Variants in TMEM247 observed in about 807,000 individuals in gnomAD.
TMEM247 encodes the protein transmembrane protein 247.
Under a neutral mutation model 20.7 loss-of-function variants are expected in TMEM247, and 23 were observed. The ratio of observed to expected loss-of-function variants is 1.11; its 90% CI spans 0.80 to 1.57. TMEM247 has a LOEUF of 1.57. TMEM247 is among the 40% of genes most tolerant of loss of function. The probability of loss-of-function intolerance (pLI) is 0.00; values close to 1 mark genes in which losing one functional copy is unlikely to be tolerated. For synonymous variants in TMEM247, 106 were observed against 111.9 expected, an observed-to-expected ratio of 0.95 and a Z score of 0.33; for missense variants, 354 against 283.8, an observed-to-expected ratio of 1.25 and a Z score of -1.78.
At position 46,481,703 on chromosome 2, in the gene TMEM247, C is replaced by T. The variant is rs1308605070; in HGVS notation, c.477+939C>T. On this transcript the variant is annotated intron_variant, in intron 2 of 2. Coordinates refer to ENST00000434431, the Ensembl canonical transcript of TMEM247. ...CTACTACCATTTTTATGTACTCATG[C>T]AATTCACTTCTTGACCCAAATGCAA... Among the ~76,000 whole-genome samples, 5 of 152,224 alleles carry T rather than the reference C, an allele frequency of 3.3e-5. No homozygotes were observed. In the South Asian group the frequency reaches 8.3e-4, roughly 25 times the overall value.
At chr2:46,484,366 G>C in exon 3 of TMEM247, 1 of 1,552,364 alleles carries the variant, frequency 6.4e-7, no homozygotes, top group Non-Finnish European at 8.7e-7. Context: ...TCTTCGCCAA[G>C]CACTACCTAT....
At chr2:46,484,026 A>G (rs563083842) in intron 2 of TMEM247, among the ~76,000 whole-genome samples, 1 of 152,270 alleles carries the variant, frequency 6.6e-6, no homozygotes, top group South Asian at 2.1e-4. Flanking sequence ...CCTGGCTTCA[A>G]GCAATCCTCC....
chr2:46,479,750 G>A, intron 1 of TMEM247, 48 bp downstream of exon 1: 1 of 1,335,142 alleles, frequency 7.5e-7, no homozygotes, highest in Non-Finnish European at 1.1e-6. Flanking sequence ...CCGTCAGGGG[G>A]AGCAAGAATA....
chr2:46,480,449 A>G, exon 2 of TMEM247: 1 of 1,551,482 alleles, frequency 6.4e-7, no homozygotes, highest in Non-Finnish European at 8.7e-7. Context: ...ACTACTTGGA[A>G]GAGATGGAAG....
intron 2 of TMEM247, among the ~76,000 whole-genome samples, chr2:46,483,412 G>A (rs556658864): frequency 6.6e-6 from 1 of 152,294 alleles, no homozygotes; most frequent in Admixed American, 6.5e-5. Flanking sequence ...ACCAAACCCT[G>A]GACTGAAGGA....
exon 3 of TMEM247, chr2:46,484,248 C>T (rs1002127666): frequency 6.5e-7 from 1 of 1,548,924 alleles, no homozygotes; most frequent in Admixed American, 2.0e-5. Flanking sequence ...CCACAGTTTT[C>T]AGGAGGCCTC....
chr2:46,482,351 T>A (rs1686904631), intron 2 of TMEM247, among the ~76,000 whole-genome samples: 1 of 152,242 alleles, frequency 6.6e-6, no homozygotes, highest in Non-Finnish European at 1.5e-5. Context: ...AACTTGTGAC[T>A]TTTCTCAGTA....
intron 2 of TMEM247, among the ~76,000 whole-genome samples, chr2:46,481,667 A>G (rs1686892454): frequency 6.6e-6 from 1 of 152,236 alleles, no homozygotes; most frequent in African/African-American, 2.4e-5. Context: ...TAAGCACTCA[A>G]TAAACGTTAG....
chr2:46,480,212 G>A (rs1447064308), intron 1 of TMEM247, among the ~76,000 whole-genome samples, 193 bp from the exon 2 acceptor site: 1 of 152,156 alleles, frequency 6.6e-6, no homozygotes, highest in Non-Finnish European at 1.5e-5. Context: ...CTTTGTGCTA[G>A]TTTGCCCTCT....
At chr2:46,481,956 C>A (rs1431546297) in intron 2 of TMEM247, among the ~76,000 whole-genome samples, 1 of 152,204 alleles carries the variant, frequency 6.6e-6, no homozygotes, top group African/African-American at 2.4e-5. Context: ...ATCCTGCTCA[C>A]ATTTCTCCAC....
chr2:46,484,313 T>C lies in TMEM247; in HGVS notation c.547T>C (p.Phe183Leu), dbSNP rs748390035. Residue 183 changes from phenylalanine to leucine, a missense_variant, in exon 3 of 3, where the codon TTC becomes CTC. Transcript: ENST00000434431. Reference sequence around the variant, plus strand: ...TGCCATGTTCCTGTACTGCTTCATCTTCATTCACATCATCTATGTCACCAA... The same window carrying C: ...TGCCATGTTCCTGTACTGCTTCATCCTCATTCACATCATCTATGTCACCAA... 118 of 1,552,230 alleles carry C rather than the reference T, an allele frequency of 7.6e-5. 1 individual carries two copies. The South Asian group carries it at 1.4e-3, about 18-fold the overall frequency.
At chr2:46,480,546 C>G (rs1379341054) in exon 2 of TMEM247, 1 of 1,551,766 alleles carries the variant, frequency 6.4e-7, no homozygotes, top group South Asian at 1.2e-5. Context: ...TGGCGACGGA[C>G]CCAAACCCGC....
intron 2 of TMEM247, among the ~76,000 whole-genome samples, chr2:46,483,212 CCTTA>C (rs1686921502): frequency 6.6e-6 from 1 of 152,138 alleles, no homozygotes; most frequent in Non-Finnish European, 1.5e-5. Flanking sequence ...TCAGCTTTTG[CCTTA>C]CTTATACATT....
At chr2:46,482,051 G>T (rs1686899806) in intron 2 of TMEM247, among the ~76,000 whole-genome samples, 1 of 152,130 alleles carries the variant, frequency 6.6e-6, no homozygotes. Flanking sequence ...CCAATTGACT[G>T]GTCCAGTTTT....
chr2:46,484,209 G>A lies in TMEM247; in HGVS notation c.478-35G>A, dbSNP rs1397475043. On this transcript the variant is annotated intron_variant, in intron 2 of 2. Transcript: ENST00000434431. ...CTAGATCTGCCTGGCGCCAACAATG[G>A]CATCATCATCTCCACTGTCTTCTCT... The A allele has an allele frequency of 4.6e-6, 7 of 1,526,164 alleles. No homozygotes were observed. In the African/African-American group the frequency reaches 8.3e-5, roughly 18 times the overall value. The allele number at this position is 1,526,164 out of a possible 1,614,324, so 94.5% of individuals were successfully genotyped here. A position where few individuals can be genotyped will look rare whatever the true frequency, so the allele number is the denominator to read the frequency against.
In TMEM247 at chr2:46,479,711, GC is replaced by G. The variant is rs749311173; in HGVS notation, c.117+10del. The G allele has an allele frequency of 5.7e-5, 88 of 1,538,462 alleles. No individual in the cohort carries two copies. Among genetic ancestry groups the G allele is most frequent in the Non-Finnish European group, 7.4e-5 (84 of 1,135,080 alleles). On this transcript the variant is annotated intron_variant, in intron 1 of 2. Coordinates refer to ENST00000434431, the Ensembl canonical transcript of TMEM247. ...AGCCAAGGGCTTATCTGGTAAGGGG[GC>G]TGCTGTGTCTCACCACCCCCGCCTA...
intron 1 of TMEM247, 122 bp from the exon 2 acceptor site, chr2:46,480,283 G>T (rs1408149600): frequency 1.7e-6 from 2 of 1,154,248 alleles, no homozygotes; most frequent in Non-Finnish European, 2.4e-6. Context: ...ATTCAGCCTA[G>T]ATCTTTACAA....
At chr2:46,481,178 T>C (rs1407765758) in intron 2 of TMEM247, among the ~76,000 whole-genome samples, 1 of 152,160 alleles carries the variant, frequency 6.6e-6, no homozygotes, top group Non-Finnish European at 1.5e-5. Flanking sequence ...CTCTTAAAAT[T>C]TGATGCCTGG....
chr2:46,479,682 G>A (rs1192920840), exon 1 of TMEM247: 2 of 1,551,458 alleles, frequency 1.3e-6, no homozygotes, highest in South Asian at 1.2e-5. Context: ...CAAGTCTGAA[G>A]GGAAGCCAAG....
Sources: allele counts gnomAD v4.1 joint callset (sites outside exome capture counted in the v4.1 genomes callset), GRCh38; gene constraint gnomAD v4.1.1; transcripts MANE v1.5; gene names NCBI Gene and HGNC (gene_info 2026-07-23, HGNC 2026-07-21).